Variants in RNF14 observed in about 807,000 individuals in gnomAD.
RNF14 encodes ring finger protein 14.
A neutral mutation model predicts 52.6 loss-of-function variants in RNF14; 26 were observed. The ratio of observed to expected loss-of-function variants is 0.49; its 90% CI spans 0.36 to 0.69. The LOEUF (loss-of-function observed/expected upper bound fraction) is 0.69, where lower values mean the gene tolerates loss of function less well. Among genes scored for constraint, RNF14 ranks in the 30% least tolerant of loss-of-function variants. RNF14 has a pLI of 0.00. For synonymous variants in RNF14, 194 were observed against 202.0 expected (o/e 0.96, Z 0.34); for missense variants, 404 against 560.4 (o/e 0.72, Z 2.82).
upstream of RNF14, among the ~76,000 whole-genome samples, chr5:141,964,547 G>A (rs150235318): frequency 1.1e-3 from 164 of 152,268 alleles, 1 homozygote; most frequent in African/African-American, 3.3e-3. Flanking sequence ...CACTTTAAGC[G>A]TTATTTATAA....
chr5:141,957,681 C>A, upstream of RNF14: 1 of 1,614,214 alleles, frequency 6.2e-7, no homozygotes, highest in Non-Finnish European at 8.5e-7. The surrounding 1 kb of genome is among the most constrained non-coding windows in gnomAD (Gnocchi z 4.3). Context: ...GCCTCCGCCT[C>A]TCCTCCCGGC....
chr5:141,980,061 G>A (rs946725462), intron 5 of RNF14, 62 bp from the exon 6 acceptor site: 19 of 1,330,034 alleles, frequency 1.4e-5, no homozygotes, highest in African/African-American at 1.3e-4. Flanking sequence ...CCTAAGAATC[G>A]CCTCAGGTTC....
rs943888737 is a variant in RNF14 at position 141,988,129 on chromosome 5, A to T, written c.*339A>T. 1.7e-5 allele frequency: 4 copies of T among 232,088 alleles called. No homozygotes were observed. The highest frequency in any genetic ancestry group is 9.1e-5 in the African/African-American group (4 of 44,058). 14.4% of individuals were successfully genotyped at this position (232,088 alleles called of 1,614,324 possible). ...AAGGAGAAGAGGGGTCAAGAGTTAA[A>T]CTTAGAGACCCTTTGTCTCTGAGAA... is the stretch of plus-strand genomic sequence containing the variant. On this transcript the variant is annotated 3_prime_UTR_variant, in exon 9 of 9. Coordinates refer to ENST00000394520, the MANE Select transcript of RNF14 (RefSeq NM_004290.5).
chr5:141,955,479 G>A (rs551542192), upstream of RNF14: 33 of 1,614,076 alleles, frequency 2.0e-5, no homozygotes, highest in African/African-American at 1.1e-4. This position sits in a 1 kb window ranked among gnomAD's most constrained non-coding sequence, Gnocchi z 5.5. Context: ...GGGACTGCCC[G>A]ACTTCACAAG....
intron 3 of RNF14, among the ~76,000 whole-genome samples, chr5:141,973,958 A>T (rs532953188): frequency 6.6e-6 from 1 of 152,338 alleles, no homozygotes; most frequent in East Asian, 1.9e-4. Flanking sequence ...ATTATCCTGC[A>T]TATTTCATAC....
intron 4 of RNF14, among the ~76,000 whole-genome samples, chr5:141,977,880 G>A (rs993967367): frequency 1.3e-5 from 2 of 152,144 alleles, no homozygotes; most frequent in Admixed American, 1.3e-4. Flanking sequence ...TCTAGGATAC[G>A]AACAGGGCTA....
At chr5:141,949,442 G>A in the RNF14 span, 5 of 1,613,354 alleles carry the variant, frequency 3.1e-6, no homozygotes, top group African/African-American at 5.3e-5. Flanking sequence ...CTGTGCTGGG[G>A]TCCAGCAGAC....
Position 141,978,400 on chromosome 5 carries a change from T to C in RNF14, c.404T>C (p.Leu135Pro), listed in dbSNP as rs1352087226. Residue 135 changes from leucine (L) to proline (P), a missense_variant, in exon 5 of 9, where the codon CTA becomes CCA. Coordinates refer to ENST00000394520, the MANE Select transcript of RNF14 (RefSeq NM_004290.5). ...AWMQFLKEETLAYLNIVSPFE... is the reference protein window; with the variant it reads ...AWMQFLKEETPAYLNIVSPFE... ...ATGCAATTTCTTAAGGAAGAGACCC[T>C]AGCATACTTGAATATTGTCTCTCCT... 2 of 1,614,072 alleles carry C rather than the reference T, an allele frequency of 1.2e-6. No homozygotes were observed. Among genetic ancestry groups the C allele is most frequent in the Non-Finnish European group, 1.7e-6 (2 of 1,180,030 alleles).
upstream of RNF14, chr5:141,955,419 G>A: frequency 6.2e-7 from 1 of 1,614,018 alleles, no homozygotes. The surrounding 1 kb of genome is among the most constrained non-coding windows in gnomAD (Gnocchi z 5.5). Context: ...GGGCCTGCAG[G>A]CAGGGGTCCC....
rs576827660 is a variant in RNF14 at position 141,975,077 on chromosome 5, AT to A, written c.306+129del. 150 of 1,067,478 alleles carry A rather than the reference AT, an allele frequency of 1.4e-4. 4 individuals are homozygous for A. The South Asian group carries it at 2.0e-3, about 14-fold the overall frequency. The allele number at this position is 1,067,478 out of a possible 1,614,324, so 66.1% of individuals were successfully genotyped here. On this transcript the variant is annotated intron_variant, in intron 4 of 8. Transcript: ENST00000394520. Reference sequence around the variant, plus strand: ...AAAAACAAATGGCTTTGGTTTTGTAATTTTTTTCCCTTGCCTTGGTGAATCC... The same window carrying A: ...AAAAACAAATGGCTTTGGTTTTGTAATTTTTTCCCTTGCCTTGGTGAATCC...
chr5:141,974,712 A>G (rs1190434300), intron 3 of RNF14, 92 bp from the exon 4 acceptor site: 6 of 1,226,656 alleles, frequency 4.9e-6, no homozygotes, highest in Non-Finnish European at 4.6e-6. Flanking sequence ...TCCCTCAACT[A>G]AAGCATTAAG....
rs1194105406 is a variant in RNF14, at chr5:141,989,848, C to G, written c.*2058C>G. 1.3e-5 allele frequency: 2 copies of G among 152,096 alleles called. No homozygotes were observed. Among genetic ancestry groups the G allele is most frequent in the African/African-American group, 4.8e-5 (2 of 41,418 alleles). 9.4% of individuals were successfully genotyped at this position (152,096 alleles called of 1,614,324 possible). On this transcript the variant is annotated 3_prime_UTR_variant, in exon 9 of 9. Transcript: ENST00000394520. Reference sequence around the variant, plus strand: ...ATTCAGAAAGAGCTACTCAGAAGCTCTATAGTTCGTGAGCTACTTGATATT... The same window carrying G: ...ATTCAGAAAGAGCTACTCAGAAGCTGTATAGTTCGTGAGCTACTTGATATT...
At chr5:141,977,988 AAGT>A (rs1754410289) in intron 4 of RNF14, among the ~76,000 whole-genome samples, 1 of 152,194 alleles carries the variant, frequency 6.6e-6, no homozygotes, top group African/African-American at 2.4e-5. Flanking sequence ...GAACAGAAAA[AAGT>A]CTTCCATTTC....
upstream of RNF14, chr5:141,954,997 A>G: frequency 6.2e-7 from 1 of 1,613,376 alleles, no homozygotes; most frequent in Non-Finnish European, 8.5e-7. Flanking sequence ...ATCCACAGTG[A>G]GCTCCTCCAC....
the RNF14 span, chr5:141,949,719 C>T: frequency 1.0e-6 from 1 of 966,052 alleles, no homozygotes; most frequent in Non-Finnish European, 1.5e-6. Context: ...TCAGACCAAC[C>T]TGGATCATGT....
intron 3 of RNF14, 25 bp from the exon 4 acceptor site, chr5:141,974,779 T>C (rs1234972533): frequency 6.2e-7 from 1 of 1,612,966 alleles, no homozygotes; most frequent in African/African-American, 1.3e-5. Flanking sequence ...CAACTGATCC[T>C]TTCTAATCTT....
intron 4 of RNF14, among the ~76,000 whole-genome samples, chr5:141,975,172 TGTA>T (rs1367923739): frequency 2.0e-5 from 3 of 152,218 alleles, no homozygotes; most frequent in Non-Finnish European, 4.4e-5. Flanking sequence ...AATCATGAAT[TGTA>T]GTAGGAGTAA....
chr5:141,955,290 C>T, upstream of RNF14: 1 of 1,614,168 alleles, frequency 6.2e-7, no homozygotes. This position sits in a 1 kb window ranked among gnomAD's most constrained non-coding sequence, Gnocchi z 5.5. Flanking sequence ...CATTCCTCTG[C>T]CTGGGATGGT....
rs1755385804 is a variant in RNF14, at chr5:141,987,866, G to T, written c.*76G>T. 2 of 1,336,750 alleles carry T rather than the reference G, an allele frequency of 1.5e-6. No homozygotes were observed. Among genetic ancestry groups the T allele is most frequent in the Non-Finnish European group, 2.2e-6 (2 of 929,384 alleles). The allele number at this position is 1,336,750 out of a possible 1,614,324, so 82.8% of individuals were successfully genotyped here. ...TCAAGTACACAAAGTAACTTTGCGG[G>T]ATATTTAGGGTACTATTCATTCACT... On this transcript the variant is annotated 3_prime_UTR_variant, in exon 9 of 9. Transcript: ENST00000394520.
Sources: gnomAD v4.1 joint callset for allele counts (sites outside exome capture counted in the v4.1 genomes callset) on GRCh38, gnomAD v4.1.1 for gene constraint, Gnocchi (gnomAD v3.1) non-coding constraint, MANE v1.5 for transcripts, NCBI Gene and HGNC (gene_info 2026-07-23, HGNC 2026-07-21) for gene names.